Variants in CNTN5 observed in about 807,000 individuals in gnomAD.
CNTN5 encodes the protein contactin 5, also known as contactin-5.
Under a neutral mutation model 129.1 loss-of-function variants are expected in CNTN5, and 77 were observed. That is an observed-to-expected ratio of 0.60 (90% CI 0.50 to 0.72). CNTN5 has a LOEUF of 0.72. CNTN5 is among the 30% of genes least tolerant of loss of function. The pLI is 0.00. For synonymous variants in CNTN5, 509 were observed against 465.6 expected (o/e 1.09, Z -1.20); for missense variants, 1,478 against 1,328.8 (o/e 1.11, Z -1.75).
At chr11:100,218,300 T>C (rs1949187034) in intron 15 of CNTN5, among the ~76,000 whole-genome samples, 1 of 152,104 alleles carries the variant, frequency 6.6e-6, no homozygotes, top group Non-Finnish European at 1.5e-5. Flanking sequence ...CAGCATACGC[T>C]AAAAAAAGAC....
chr11:99,723,521 A>G (rs1943240401), intron 3 of CNTN5, among the ~76,000 whole-genome samples: 1 of 152,204 alleles, frequency 6.6e-6, no homozygotes. Context: ...CAATTTTAAT[A>G]AACTTCTACC....
At chr11:99,291,777 G>A (rs2135921275) in intron 1 of CNTN5, among the ~76,000 whole-genome samples, 1 of 152,050 alleles carries the variant, frequency 6.6e-6, no homozygotes, top group East Asian at 1.9e-4. Flanking sequence ...AGAAATGCAT[G>A]TTGACTGAGC....
At chr11:99,639,656 C>G (rs529176938) in intron 3 of CNTN5, among the ~76,000 whole-genome samples, 1 of 148,948 alleles carries the variant, frequency 6.7e-6, no homozygotes, top group East Asian at 2.0e-4. Context: ...CCTCTGCCTC[C>G]TGGGTTCAAG....
intron 3 of CNTN5, among the ~76,000 whole-genome samples, chr11:99,661,633 A>C (rs1952596001): frequency 6.6e-6 from 1 of 152,118 alleles, no homozygotes; most frequent in Non-Finnish European, 1.5e-5. Context: ...GGTATCCAGC[A>C]GTGTGAGAAT....
intron 13 of CNTN5, among the ~76,000 whole-genome samples, chr11:100,100,957 C>A (rs1377469605): frequency 1.3e-5 from 2 of 152,046 alleles, no homozygotes; most frequent in African/African-American, 4.8e-5. Context: ...GATACAATAT[C>A]TACAAATTAT....
intron 2 of CNTN5, among the ~76,000 whole-genome samples, chr11:99,409,685 C>T (rs1260559103): frequency 2.0e-5 from 3 of 152,084 alleles, no homozygotes; most frequent in African/African-American, 7.2e-5. Context: ...AATAGTATAG[C>T]AATAGTTATT....
At chr11:100,122,352 C>CT (rs763842065) in intron 13 of CNTN5, among the ~76,000 whole-genome samples, 9 of 152,010 alleles carry the variant, frequency 5.9e-5, no homozygotes, top group Non-Finnish European at 1.0e-4. Flanking sequence ...TCTTGCGTCT[C>CT]TTTTTGTTCT....
At chr11:99,135,591 C>T (rs1859176118) in intron 1 of CNTN5, among the ~76,000 whole-genome samples, 1 of 151,648 alleles carries the variant, frequency 6.6e-6, no homozygotes, top group African/African-American at 2.4e-5. Context: ...CAATAGAAAG[C>T]CCTTTAAGAT....
intron 3 of CNTN5, among the ~76,000 whole-genome samples, chr11:99,595,702 C>G (rs12806022): frequency 6.6e-6 from 1 of 151,702 alleles, no homozygotes; most frequent in African/African-American, 2.4e-5. Context: ...GCTTTGTCCT[C>G]GATGTATGAA....
chr11:99,233,743 G>T lies in CNTN5; in HGVS notation c.-209-91603G>T, dbSNP rs370543721. Among the ~76,000 whole-genome samples, 9 of 152,046 alleles carry T rather than the reference G, an allele frequency of 5.9e-5. No homozygotes were observed. In the South Asian group the frequency reaches 6.2e-4, roughly 11 times the overall value. On this transcript the variant is annotated intron_variant, in intron 1 of 24. Transcript: ENST00000524871. ...TGGGTGGATCACGAGGTCAGGAGATGGAGACCATCCTGGCTGACCCGGTGA... is the reference window on the plus strand; with the variant it reads ...TGGGTGGATCACGAGGTCAGGAGATTGAGACCATCCTGGCTGACCCGGTGA...
intron 13 of CNTN5, among the ~76,000 whole-genome samples, chr11:100,098,264 A>G (rs1448774085): frequency 1.3e-5 from 2 of 152,108 alleles, no homozygotes; most frequent in East Asian, 1.9e-4. Context: ...AGCAAATTCA[A>G]TATTATTCAT....
chr11:100,335,452 T>G (rs1337807623), intron 21 of CNTN5, among the ~76,000 whole-genome samples: 3 of 152,116 alleles, frequency 2.0e-5, no homozygotes, highest in Non-Finnish European at 2.9e-5. Flanking sequence ...GAATCAGCTT[T>G]GGGAAAAATA....
At chr11:99,851,094 G>A (rs1024211103) in intron 6 of CNTN5, among the ~76,000 whole-genome samples, 1 of 151,390 alleles carries the variant, frequency 6.6e-6, no homozygotes, top group Non-Finnish European at 1.5e-5. Context: ...CCCCCAACCT[G>A]CCTCATGGGC....
At chr11:99,206,877 A>G (rs752988787) in intron 1 of CNTN5, among the ~76,000 whole-genome samples, 4 of 152,158 alleles carry the variant, frequency 2.6e-5, no homozygotes, top group Non-Finnish European at 5.9e-5. Context: ...TGTGACAAAT[A>G]AAGTAAACCC....
In CNTN5 at chr11:99,080,873, T is replaced by A. The variant is rs116495987; in HGVS notation, c.-210+59603T>A. ...AAGGCATTGAGCATTTTAGACAACG[T>A]GCATAACTTCTATACTTCTATTAAG... On this transcript the variant is annotated intron_variant, in intron 1 of 24. Coordinates refer to ENST00000524871, the MANE Select transcript of CNTN5 (RefSeq NM_014361.4). 2.8e-3 allele frequency among the ~76,000 whole-genome samples: 419 copies of A among 152,248 alleles called. 2 individuals carry two copies. Among genetic ancestry groups the A allele is most frequent in the African/African-American group, 8.6e-3 (359 of 41,554 alleles).
intron 3 of CNTN5, among the ~76,000 whole-genome samples, chr11:99,624,838 A>G (rs1565361046): frequency 6.6e-6 from 1 of 152,182 alleles, no homozygotes. Context: ...AATACAGGCC[A>G]TCAGTCAGGA....
intron 9 of CNTN5, among the ~76,000 whole-genome samples, chr11:100,028,494 A>G (rs1264325780): frequency 6.6e-6 from 1 of 152,088 alleles, no homozygotes; most frequent in East Asian, 1.9e-4. Context: ...TTATTATTTC[A>G]CCCTAGTTTT....
At chr11:99,652,967 T>C (rs1952215503) in intron 3 of CNTN5, among the ~76,000 whole-genome samples, 1 of 151,948 alleles carries the variant, frequency 6.6e-6, no homozygotes, top group African/African-American at 2.4e-5. Flanking sequence ...ATTTCAAGAA[T>C]ATATAAACCT....
intron 6 of CNTN5, among the ~76,000 whole-genome samples, chr11:99,862,443 A>T (rs1044973052): frequency 1.3e-5 from 2 of 151,998 alleles, no homozygotes; most frequent in Admixed American, 6.6e-5. Context: ...TGCTTTTCTC[A>T]TTCATGGATT....
Sources: allele counts gnomAD v4.1 joint callset (sites outside exome capture counted in the v4.1 genomes callset), GRCh38; gene constraint gnomAD v4.1.1; transcripts MANE v1.5; gene names NCBI Gene and HGNC (gene_info 2026-07-23, HGNC 2026-07-21).